STAMBP: variants seen among roughly 807,000 people sequenced by gnomAD.
The protein encoded by STAMBP is STAM binding protein.
A neutral mutation model predicts 50.7 loss-of-function variants in STAMBP; 31 were observed. The ratio of observed to expected loss-of-function variants is 0.61; its 90% CI spans 0.46 to 0.83. The LOEUF (loss-of-function observed/expected upper bound fraction) is 0.83. Ranked by LOEUF, STAMBP falls within the 40% of genes least tolerant of loss-of-function variation. STAMBP has a pLI of 0.00. For synonymous variants in STAMBP, 211 were observed against 192.4 expected (o/e 1.10, Z -0.80); for missense variants, 472 against 518.9 (o/e 0.91, Z 0.88).
chr2:73,860,176 G>A (rs1678165763), intron 9 of STAMBP, 25 bp downstream of exon 9: 1 of 1,586,240 alleles, frequency 6.3e-7, no homozygotes, highest in South Asian at 1.1e-5. Flanking sequence ...AAAAGAAAAT[G>A]GGGCTATGCT....
intron 7 of STAMBP, among the ~76,000 whole-genome samples, chr2:73,854,776 C>G (rs992449203): frequency 2.0e-5 from 3 of 151,976 alleles, no homozygotes; most frequent in African/African-American, 4.8e-5. Flanking sequence ...TCACTTGAGG[C>G]CAGGAGTTCA....
chr2:73,834,220 AAAAAAAAAAAAAAAAAATATATATAT>A (rs1314094251), intron 2 of STAMBP, among the ~76,000 whole-genome samples: 14 of 21,498 alleles, frequency 6.5e-4, no homozygotes, highest in African/African-American at 1.2e-3. Context: ...AAAAAAAAAA[AAAAAAAAAAAAAAAAAATATATATAT>A]ATATATATAT....
At chr2:73,871,959 G>T (rs541936912), downstream of STAMBP, among the ~76,000 whole-genome samples, 10 of 151,802 alleles carry the variant, frequency 6.6e-5, no homozygotes, top group South Asian at 2.1e-3. Flanking sequence ...TTTTAGTATA[G>T]ACGGGGTTTC....
chr2:73,862,180 AC>A (rs1307127584), intron 9 of STAMBP, 22 bp from the exon 10 acceptor site: 2 of 1,587,642 alleles, frequency 1.3e-6, no homozygotes, highest in African/African-American at 2.7e-5. Context: ...CTAGGACTCC[AC>A]CTTTCTTTTT....
intron 8 of STAMBP, 69 bp downstream of exon 8, chr2:73,859,435 GTC>G: frequency 8.1e-7 from 1 of 1,239,258 alleles, no homozygotes; most frequent in Non-Finnish European, 1.2e-6. Context: ...AGGGGAAAAG[GTC>G]TCTATTCTTG....
chr2:73,835,278 CG>C (rs1352641185), intron 2 of STAMBP, among the ~76,000 whole-genome samples: 2 of 148,998 alleles, frequency 1.3e-5, no homozygotes, highest in African/African-American at 5.0e-5. Context: ...TGCATGAACC[CG>C]GGAGGCAGAG....
intron 5 of STAMBP, 90 bp from the exon 6 acceptor site, chr2:73,849,273 A>G (rs1676503814): frequency 6.3e-7 from 1 of 1,594,712 alleles, no homozygotes; most frequent in Non-Finnish European, 8.6e-7. Context: ...CCAGTGGCTT[A>G]ATGTTGCTCC....
At chr2:73,843,418 A>ATG (rs71406837) in intron 2 of STAMBP, among the ~76,000 whole-genome samples, 25 of 142,624 alleles carry the variant, frequency 1.8e-4, no homozygotes, top group African/African-American at 4.8e-4. Flanking sequence ...ATATATATAT[A>ATG]TGTATATATA....
chr2:73,855,764 T>C (rs994536728), intron 7 of STAMBP: 11 of 449,888 alleles, frequency 2.4e-5, no homozygotes, highest in South Asian at 1.7e-4. Context: ...GGAATGGTGC[T>C]TCTCAGATGA....
At chr2:73,833,440 T>C (rs1246513070) in intron 2 of STAMBP, among the ~76,000 whole-genome samples, 2 of 152,232 alleles carry the variant, frequency 1.3e-5, no homozygotes, top group African/African-American at 2.4e-5. Flanking sequence ...TTTGCTGTTA[T>C]GAGTTTTTCA....
In STAMBP at chr2:73,850,444, C is replaced by T. The variant is rs1366496234; in HGVS notation, c.936C>T (p.Asn312=). The T allele has an allele frequency of 1.2e-6, 2 of 1,613,802 alleles. No homozygotes were observed. Residue 312 remains asparagine (N), a synonymous_variant, in exon 7 of 10, where the codon AAC becomes AAT. Coordinates refer to ENST00000394070, the MANE Select transcript of STAMBP (RefSeq NM_213622.4). This position sits in a 1 kb window ranked among gnomAD's most constrained non-coding sequence, Gnocchi z 4.3. ...PKQSAGSDYC[N]TENEEELFLI... is the part of the protein sequence containing the mutation. The stretch of plus-strand genomic sequence containing the variant: ...AAAGTGCTGGGTCTGATTACTGCAA[C>T]ACAGAGAACGAAGAAGAACTTTTCC...
intron 4 of STAMBP, among the ~76,000 whole-genome samples, chr2:73,847,026 G>A (rs1676179599): frequency 6.7e-6 from 1 of 150,192 alleles, no homozygotes; most frequent in African/African-American, 2.5e-5. Context: ...AGGCTGCAGT[G>A]AGCTGTGATC....
chr2:73,834,226 AAAAAAAAAAAATATATATATATAT>A (rs1558557568), intron 2 of STAMBP, among the ~76,000 whole-genome samples: 5 of 23,866 alleles, frequency 2.1e-4, no homozygotes, highest in African/African-American at 2.8e-4. Flanking sequence ...AAAAAAAAAA[AAAAAAAAAAAATATATATATATAT>A]ATATATATAT....
intron 7 of STAMBP, among the ~76,000 whole-genome samples, chr2:73,853,346 G>A: frequency 6.6e-6 from 1 of 152,160 alleles, no homozygotes. Context: ...AGAATGTTTG[G>A]TTGATTGTTC....
At chr2:73,855,635 G>T (rs1677455258) in intron 7 of STAMBP, 1 of 455,958 alleles carries the variant, frequency 2.2e-6, no homozygotes, top group Non-Finnish European at 4.4e-6. Context: ...GAAACTTTGT[G>T]GTCACTGAAG....
intron 2 of STAMBP, among the ~76,000 whole-genome samples, chr2:73,831,582 C>G (rs1573231436): frequency 6.6e-6 from 1 of 152,252 alleles, no homozygotes. Flanking sequence ...TATTTATCAT[C>G]TTAGGGTAGG....
In STAMBP at chr2:73,862,098, C is replaced by T. The variant is rs1418902911; in HGVS notation, c.1219-105C>T. The T allele has an allele frequency of 1.6e-5, 14 of 893,536 alleles. No individual in the cohort carries two copies. In the South Asian group the frequency reaches 2.8e-4, roughly 18 times the overall value. The allele number at this position is 893,536 out of a possible 1,614,324, so 55.4% of individuals were successfully genotyped here. On this transcript the variant is annotated intron_variant, in intron 9 of 9. Coordinates refer to ENST00000394070, the MANE Select transcript of STAMBP (RefSeq NM_213622.4). ...GTTGCAGTGAGCCGAGATCGTGCCA[C>T]TGCACTCCAGCCTGGGCAACAGAGC...
intron 2 of STAMBP, among the ~76,000 whole-genome samples, chr2:73,837,686 A>ATTC (rs2104329566): frequency 6.6e-6 from 1 of 151,374 alleles, no homozygotes; most frequent in East Asian, 1.9e-4. Flanking sequence ...AAATTGGGGT[A>ATTC]TTCTTGGTAA....
intron 2 of STAMBP, among the ~76,000 whole-genome samples, chr2:73,839,776 G>GC (rs1675150603): frequency 6.6e-6 from 1 of 152,174 alleles, no homozygotes. Context: ...GCTCATAGGT[G>GC]CCCCCATGTG....
Sources: gnomAD v4.1 joint callset for allele counts (sites outside exome capture counted in the v4.1 genomes callset) on GRCh38, gnomAD v4.1.1 for gene constraint, Gnocchi (gnomAD v3.1) non-coding constraint, MANE v1.5 for transcripts, NCBI Gene and HGNC (gene_info 2026-07-23, HGNC 2026-07-21) for gene names.